GPR55: variants seen among roughly 807,000 people sequenced by gnomAD.
GPR55 encodes the protein G-protein coupled receptor 55.
Under a neutral mutation model 7.9 loss-of-function variants are expected in GPR55, and 6 were observed. That is an observed-to-expected ratio of 0.76 (90% CI 0.41 to 1.49). The LOEUF is 1.49. Among genes scored for constraint, GPR55 ranks in the 40% most tolerant of loss-of-function variants. GPR55 has a pLI of 0.01. For synonymous variants in GPR55, 183 were observed against 166.8 expected, an observed-to-expected ratio of 1.10 and a Z score of -0.75; for missense variants, 376 against 406.0, an observed-to-expected ratio of 0.93 and a Z score of 0.63.
intron 1 of GPR55, chr2:230,957,786 A>C: frequency 1.8e-6 from 1 of 555,090 alleles, no homozygotes; most frequent in Admixed American, 1.9e-5. Context: ...TTGGAGTAGG[A>C]GGATTTATCT....
upstream of GPR55, among the ~76,000 whole-genome samples, chr2:230,926,812 C>T (rs1047214476): frequency 3.3e-5 from 5 of 151,074 alleles, no homozygotes; most frequent in Non-Finnish European, 7.4e-5. Flanking sequence ...GCCTCAGCCT[C>T]CTGAGTAGCT....
intron 1 of GPR55, among the ~76,000 whole-genome samples, chr2:230,916,660 G>A (rs1421558345): frequency 6.6e-6 from 1 of 152,096 alleles, no homozygotes; most frequent in Non-Finnish European, 1.5e-5. Context: ...TAAGTGCCTG[G>A]GGTGAAGCAA....
chr2:230,955,747 G>A (rs1273714253), intron 1 of GPR55, among the ~76,000 whole-genome samples: 1 of 152,126 alleles, frequency 6.6e-6, no homozygotes, highest in Non-Finnish European at 1.5e-5. Flanking sequence ...TTGAGACGGG[G>A]TCTCATTCCA....
Position 230,923,217 on chromosome 2 carries a change from T to C in GPR55, c.-135+1951A>G, listed in dbSNP as rs1264182815. 2.0e-5 allele frequency among the ~76,000 whole-genome samples: 3 copies of C among 152,166 alleles called. No individual in the cohort carries two copies. The highest frequency in any genetic ancestry group is 1.5e-5 in the Non-Finnish European group (1 of 68,022). On this transcript the variant is annotated intron_variant, in intron 1 of 1. Transcript: ENST00000650999. The surrounding 1 kb of genome is among the most constrained non-coding windows in gnomAD (Gnocchi z 4.1). The stretch of plus-strand genomic sequence containing the variant: ...TTTCTTCCCTCTGTGGCCTGGACTT[T>C]CCAGAGAACACAAGCAACAAGAAGA...
chr2:230,959,736 C>T (rs536502780), intron 1 of GPR55, among the ~76,000 whole-genome samples: 1 of 152,192 alleles, frequency 6.6e-6, no homozygotes, highest in South Asian at 2.1e-4. Flanking sequence ...GATTGCTAAA[C>T]AACCCTTCAT....
At chr2:230,938,368 T>A (rs1211055226) in intron 1 of GPR55, among the ~76,000 whole-genome samples, 2 of 137,844 alleles carry the variant, frequency 1.5e-5, no homozygotes, top group African/African-American at 2.8e-5. Context: ...AGAAATACAA[T>A]CAAAGTTCTC....
intron 1 of GPR55, among the ~76,000 whole-genome samples, chr2:230,943,235 T>C (rs1353635049): frequency 6.6e-6 from 1 of 152,164 alleles, no homozygotes; most frequent in East Asian, 1.9e-4. Context: ...AAGGCCCATC[T>C]ACATCCGGAG....
chr2:230,934,406 G>T (rs1427655391), intron 1 of GPR55, among the ~76,000 whole-genome samples: 1 of 152,200 alleles, frequency 6.6e-6, no homozygotes, highest in Non-Finnish European at 1.5e-5. Context: ...ATGGGGGTTA[G>T]TTCCCAGGAC....
At chr2:230,914,930 C>T (rs1690674932) in intron 1 of GPR55, among the ~76,000 whole-genome samples, 1 of 152,208 alleles carries the variant, frequency 6.6e-6, no homozygotes, top group African/African-American at 2.4e-5. Context: ...TTCAGACCAC[C>T]TGCAGGTCTG....
At chr2:230,915,820 G>A (rs963254726) in intron 1 of GPR55, among the ~76,000 whole-genome samples, 5 of 145,798 alleles carry the variant, frequency 3.4e-5, no homozygotes, top group African/African-American at 5.4e-5. Context: ...CAAGAATTTC[G>A]TATCCAACCA....
At chr2:230,941,049 G>A (rs1388920608) in intron 1 of GPR55, among the ~76,000 whole-genome samples, 4 of 152,148 alleles carry the variant, frequency 2.6e-5, no homozygotes, top group African/African-American at 9.6e-5. Flanking sequence ...CCCAGGAGGC[G>A]GAGGTTGCAG....
chr2:230,932,002 A>G (rs1574628716), intron 1 of GPR55, among the ~76,000 whole-genome samples: 1 of 151,696 alleles, frequency 6.6e-6, no homozygotes, highest in Non-Finnish European at 1.5e-5. Flanking sequence ...GCCACTCCAC[A>G]CCTCAAGGCC....
rs1423646720 is a variant in GPR55 at position 230,946,826 on chromosome 2, T to C, written c.-135+13949A>G. On this transcript the variant is annotated intron_variant, in intron 1 of 1. Transcript: ENST00000392039. ...CTTTTAGGGACCTCCAGGGCCTAAC[T>C]GGGGCAGGGGCCAGGGCAAGGCAGC... Among the ~76,000 whole-genome samples, 4 of 152,308 alleles carry C rather than the reference T, an allele frequency of 2.6e-5. No individual in the cohort carries two copies. In the East Asian group the frequency reaches 5.8e-4, roughly 22 times the overall value.
chr2:230,913,465 A>G (rs115080026), intron 1 of GPR55, among the ~76,000 whole-genome samples: 4,805 of 152,328 alleles, frequency 0.032, 253 homozygotes, highest in African/African-American at 0.11. Context: ...TTTAACATAC[A>G]TTACTTGATT....
chr2:230,933,764 C>G (rs1398534108), intron 1 of GPR55, among the ~76,000 whole-genome samples: 1 of 152,120 alleles, frequency 6.6e-6, no homozygotes, highest in Non-Finnish European at 1.5e-5. Context: ...GGAGGCAGGG[C>G]GGGGGCTCCC....
At chr2:230,913,295 G>C (rs1690634588) in intron 1 of GPR55, among the ~76,000 whole-genome samples, 1 of 152,104 alleles carries the variant, frequency 6.6e-6, no homozygotes, top group African/African-American at 2.4e-5. Flanking sequence ...TCACTATTGG[G>C]CGCCCGTGGG....
intron 1 of GPR55, among the ~76,000 whole-genome samples, chr2:230,943,376 C>A (rs1691264812): frequency 6.6e-6 from 1 of 152,188 alleles, no homozygotes; most frequent in South Asian, 2.1e-4. Context: ...CACTAGCCAG[C>A]CCCTCCGTGG....
intron 1 of GPR55, among the ~76,000 whole-genome samples, chr2:230,959,874 G>T (rs1177261512): frequency 2.0e-5 from 3 of 152,130 alleles, no homozygotes; most frequent in African/African-American, 7.2e-5. Flanking sequence ...TATCTACAAT[G>T]CACATGCATT....
chr2:230,936,141 A>C (rs1691128240), intron 1 of GPR55, among the ~76,000 whole-genome samples: 1 of 152,224 alleles, frequency 6.6e-6, no homozygotes, highest in Non-Finnish European at 1.5e-5. Context: ...CAAAAGCCAA[A>C]GGGAGATTCC....
Sources: gnomAD v4.1 joint callset for allele counts (sites outside exome capture counted in the v4.1 genomes callset) on GRCh38, gnomAD v4.1.1 for gene constraint, Gnocchi (gnomAD v3.1) non-coding constraint, MANE v1.5 for transcripts, NCBI Gene and HGNC (gene_info 2026-07-23, HGNC 2026-07-21) for gene names.